The following TMEM63A variants were observed in gnomAD, a reference collection of about 807,000 sequenced individuals.
TMEM63A encodes the protein mechanosensitive cation channel TMEM63A.
TMEM63A carries 76 observed loss-of-function variants against 100.6 expected under a neutral mutation model. That is an observed-to-expected ratio of 0.76 (90% CI 0.63 to 0.91). The LOEUF (loss-of-function observed/expected upper bound fraction) is 0.91. TMEM63A is among the 40% of genes least tolerant of loss of function. TMEM63A has a pLI of 0.00. For missense variants in TMEM63A, 876 were observed against 1,008.8 expected (o/e 0.87, Z 1.78); for synonymous variants, 401 against 401.1 (o/e 1.00, Z 0.00).
chr1:225,841,520 G>C (rs937130804), downstream of TMEM63A, among the ~76,000 whole-genome samples: 1 of 151,508 alleles, frequency 6.6e-6, no homozygotes, highest in South Asian at 2.1e-4. Context: ...CTGACCTCAG[G>C]TGATCCACCC....
downstream of TMEM63A, chr1:225,845,340 G>C (rs2234701): frequency 1.2e-6 from 2 of 1,609,100 alleles, no homozygotes; most frequent in Admixed American, 1.7e-5. Flanking sequence ...GTGCTGGAGC[G>C]GCAATGACCC....
At chr1:225,866,956 G>A (rs360084) in intron 8 of TMEM63A, among the ~76,000 whole-genome samples, 156 bp downstream of exon 8, 133,651 of 152,188 alleles carry the variant, frequency 0.88, 58,805 homozygotes, top group Non-Finnish European at 0.91. Context: ...TGCCTGTGGC[G>A]TGTTCATGCC....
At chr1:225,845,507 C>T (rs1381810714), downstream of TMEM63A, 2 of 687,876 alleles carry the variant, frequency 2.9e-6, no homozygotes, top group Admixed American at 5.2e-5. Flanking sequence ...ACTCCCCAAC[C>T]CCCAACTCCG....
chr1:225,866,997 G>T, intron 8 of TMEM63A, 115 bp downstream of exon 8: 1 of 1,027,804 alleles, frequency 9.7e-7, no homozygotes, highest in Non-Finnish European at 1.5e-6. Flanking sequence ...GCTGCAAGGG[G>T]CCTTCAGATA....
chr1:225,847,146 T>C lies in TMEM63A; in HGVS notation c.2318A>G (p.Gln773Arg), dbSNP rs374322367. Residue 773 changes from glutamine (Q) to arginine (R), a missense_variant, in exon 24 of 25, where the codon CAG becomes CGG. Physicochemically the swap from Gln to Arg is conservative, Grantham distance 43 (BLOSUM62 1). Transcript: ENST00000366835. ...ERTALSPQQQ[Q>R]QQTYGAIHNI... ...GTGGATGGCACCATAGGTCTGCTGC[T>C]GCTGCTGCTGCGGAGACAGTGCTGT... The C allele has an allele frequency of 8.9e-5, 143 of 1,613,410 alleles. No individual in the cohort carries two copies. Among genetic ancestry groups the C allele is most frequent in the Non-Finnish European group, 1.1e-4 (130 of 1,180,010 alleles).
chr1:225,846,281 TGA>T lies in TMEM63A; in HGVS notation c.*656_*657del, dbSNP rs1319374261. 2 of 152,392 alleles carry T rather than the reference TGA, an allele frequency of 1.3e-5. No homozygotes were observed. Among genetic ancestry groups the T allele is most frequent in the Non-Finnish European group, 2.9e-5 (2 of 68,256 alleles). The allele number at this position is 152,392 out of a possible 1,614,324, so 9.4% of individuals were successfully genotyped here. On this transcript the variant is annotated 3_prime_UTR_variant, in exon 25 of 25. Transcript: ENST00000366835. ...ACTCATGCACTCAGCCCTGAAGAGG[TGA>T]GAGAGGCTGGATCTTAACTGTGGTC... is the stretch of plus-strand genomic sequence containing the variant.
intron 15 of TMEM63A, 26 bp from the exon 16 acceptor site, chr1:225,857,043 G>A: frequency 1.3e-6 from 2 of 1,546,770 alleles, no homozygotes; most frequent in South Asian, 2.5e-5. Context: ...ACAGCAGAGA[G>A]AGTCACAGGG....
In TMEM63A at chr1:225,846,753, C is replaced by T; in HGVS notation, c.*186G>A. 1 of 331,806 alleles carries T rather than the reference C, an allele frequency of 3.0e-6. No homozygotes were observed. Among genetic ancestry groups the T allele is most frequent in the Non-Finnish European group, 5.5e-6 (1 of 181,982 alleles). The allele number at this position is 331,806 out of a possible 1,614,324, so 20.6% of individuals were successfully genotyped here. Reference sequence around the variant, plus strand: ...CCAGCTGCAGAGCTGGAAGCTTGTGCCGGAGGGGAAACTGGGTGAGCAAGG... The same window carrying T: ...CCAGCTGCAGAGCTGGAAGCTTGTGTCGGAGGGGAAACTGGGTGAGCAAGG... On this transcript the variant is annotated 3_prime_UTR_variant, in exon 25 of 25. Transcript: ENST00000366835.
rs749215624 is a variant in TMEM63A at position 225,862,163 on chromosome 1, T to C, written c.1085+55A>G. On this transcript the variant is annotated intron_variant, in intron 13 of 24. Transcript: ENST00000366835. The surrounding 1 kb of genome is among the most constrained non-coding windows in gnomAD (Gnocchi z 5.1). ...TCCACTCGAGAGGGACAGTGAGTTA[T>C]CTGGAGGGGAACAGGGAGTCAGCCA... 1.2e-5 allele frequency: 19 copies of C among 1,604,908 alleles called. No homozygotes were observed. The highest frequency in any genetic ancestry group is 2.2e-5 in the East Asian group (1 of 44,754).
intron 1 of TMEM63A, 129 bp downstream of exon 1, chr1:225,882,175 C>G (rs959009833): frequency 1.3e-5 from 2 of 152,562 alleles, no homozygotes; most frequent in South Asian, 2.1e-4. Flanking sequence ...GTCGTCACCC[C>G]CTGCTTGGGG....
Position 225,856,794 on chromosome 1 carries a change from A to G in TMEM63A, c.1485-56T>C, listed in dbSNP as rs199916633. Reference sequence around the variant, plus strand: ...TCCCCCAAATGCTCTATGTGCCCCCAGTGAGGCCCCTGCCATGTGCCCACT... The same window carrying G: ...TCCCCCAAATGCTCTATGTGCCCCCGGTGAGGCCCCTGCCATGTGCCCACT... On this transcript the variant is annotated intron_variant, in intron 16 of 24. Transcript: ENST00000366835. 14 of 1,592,466 alleles carry G rather than the reference A, an allele frequency of 8.8e-6. No individual in the cohort carries two copies. In the Admixed American group the frequency reaches 2.3e-4, roughly 26 times the overall value.
chr1:225,881,726 AGTCTT>A (rs1336969650), intron 1 of TMEM63A, among the ~76,000 whole-genome samples: 1 of 152,196 alleles, frequency 6.6e-6, no homozygotes, highest in Non-Finnish European at 1.5e-5. Context: ...TCAGGTAGCT[AGTCTT>A]ATCAGGTGCT....
Position 225,862,812 on chromosome 1 carries a change from C to A in TMEM63A, c.786G>T (p.Leu262=). 6.2e-7 allele frequency: 1 copy of A among 1,614,002 alleles called. No individual in the cohort carries two copies. The highest frequency in any genetic ancestry group is 1.1e-5 in the South Asian group (1 of 91,074). The stretch of plus-strand genomic sequence containing the variant: ...AGATCAGTTTGGCCACGTTGTAGCA[C>A]AGCTGCACATCAACCACCTCACACG... ...YPTCEVVDVQ[L]CYNVAKLIYL... is the part of the protein sequence containing the mutation. The change falls in exon 11 of 25, where the codon CTG becomes CTT. Residue 262 remains leucine, a synonymous_variant. Transcript: ENST00000366835. The surrounding 1 kb of genome is among the most constrained non-coding windows in gnomAD (Gnocchi z 5.1).
rs1669899863 is a variant in TMEM63A at position 225,860,857 on chromosome 1, T to C, written c.1223+3A>G. 8.1e-6 allele frequency: 13 copies of C among 1,605,914 alleles called. No homozygotes were observed. The highest frequency in any genetic ancestry group is 1.1e-5 in the Non-Finnish European group (13 of 1,176,146). On this transcript the variant is annotated splice_donor_region_variant and intron_variant, in intron 14 of 24. Coordinates refer to ENST00000366835, the MANE Select transcript of TMEM63A (RefSeq NM_014698.3). ...CCCACCTCTCCTTGGTCTAGGAGCT[T>C]ACCAGCAGATGTCCTCAGGGTCAGC...
rs1001339066 is a variant in TMEM63A, at chr1:225,845,774, C to T, written c.*1165G>A. ...TTGGAGCAGAGGCAGCACTGGCCACCACTGCGGGGGCAAGTCAGCGTCAAG... is the reference window on the plus strand; with the variant it reads ...TTGGAGCAGAGGCAGCACTGGCCACTACTGCGGGGGCAAGTCAGCGTCAAG... On this transcript the variant is annotated 3_prime_UTR_variant, in exon 25 of 25. Coordinates refer to ENST00000366835, the MANE Select transcript of TMEM63A (RefSeq NM_014698.3). 2.7e-5 allele frequency: 8 copies of T among 297,460 alleles called. No individual in the cohort carries two copies. The East Asian group carries it at 5.3e-4, about 20-fold the overall frequency. 18.4% of individuals were successfully genotyped at this position (297,460 alleles called of 1,614,324 possible). A position where few individuals can be genotyped will look rare whatever the true frequency, so the allele number is the denominator to read the frequency against.
At chr1:225,871,745 G>A (rs1329554511) in intron 5 of TMEM63A, 1 of 519,250 alleles carries the variant, frequency 1.9e-6, no homozygotes, top group East Asian at 3.1e-5. Context: ...AGAGAGAAGT[G>A]CTGGGGAAGC....
At chr1:225,856,268 C>T (rs1019596315) in intron 17 of TMEM63A, among the ~76,000 whole-genome samples, 2 of 151,138 alleles carry the variant, frequency 1.3e-5, no homozygotes, top group Non-Finnish European at 2.9e-5. Context: ...CCTCGGCCTC[C>T]CAAAATGCTA....
At chr1:225,871,962 C>T (rs1285945447) in intron 5 of TMEM63A, 25 bp downstream of exon 5, 1 of 1,595,442 alleles carries the variant, frequency 6.3e-7, no homozygotes, top group African/African-American at 1.3e-5. Context: ...CTGGCCATGA[C>T]CACAACTGGG....
chr1:225,848,913 C>CT lies in TMEM63A; in HGVS notation c.2170dup (p.Ser724LysfsTer13). 6.3e-7 allele frequency: 1 copy of CT among 1,593,306 alleles called. No individual in the cohort carries two copies. On this transcript the variant is annotated frameshift_variant, in exon 22 of 25. Coordinates refer to ENST00000366835, the MANE Select transcript of TMEM63A (RefSeq NM_014698.3). LOFTEE classifies it high-confidence loss of function. ...GGCCTTTACTTTGTAGTTCAGAGGG[C>CT]TGAGGTGCTTGAAGCATCCAAAGCA...
Sources: gnomAD v4.1 joint callset for allele counts (sites outside exome capture counted in the v4.1 genomes callset) on GRCh38, gnomAD v4.1.1 for gene constraint, Gnocchi (gnomAD v3.1) non-coding constraint, MANE v1.5 for transcripts, NCBI Gene and HGNC (gene_info 2026-07-23, HGNC 2026-07-21) for gene names.